CTNND2: variants seen among roughly 807,000 people sequenced by gnomAD.
CTNND2 encodes catenin delta-2.
A neutral mutation model predicts 144.4 loss-of-function variants in CTNND2; 22 were observed. The ratio of observed to expected loss-of-function variants is 0.15; its 90% CI spans 0.11 to 0.22. The LOEUF (loss-of-function observed/expected upper bound fraction) is 0.22. Ranked by LOEUF, CTNND2 falls within the 10% of genes least tolerant of loss-of-function variation. The pLI, the probability that CTNND2 is intolerant of heterozygous loss-of-function variation, is 1.00. For synonymous variants in CTNND2, 751 were observed against 695.6 expected (o/e 1.08, Z -1.25); for missense variants, 1,353 against 1,618.8 (o/e 0.84, Z 2.82).
chr5:11,495,214 C>A (rs1769814935), intron 3 of CTNND2, among the ~76,000 whole-genome samples: 1 of 152,030 alleles, frequency 6.6e-6, no homozygotes, highest in Non-Finnish European at 1.5e-5. Flanking sequence ...AATTGGAAGT[C>A]TTTTTTCAGT....
chr5:11,284,507 T>C (rs1000221582), intron 9 of CTNND2, among the ~76,000 whole-genome samples: 1 of 152,126 alleles, frequency 6.6e-6, no homozygotes, highest in Admixed American at 6.5e-5. Context: ...GGAGAGAACA[T>C]GAGGTGTTTG....
At chr5:11,485,099 A>C (rs1331707464) in intron 3 of CTNND2, among the ~76,000 whole-genome samples, 1 of 152,228 alleles carries the variant, frequency 6.6e-6, no homozygotes, top group Non-Finnish European at 1.5e-5. Flanking sequence ...CTTTTCTGTA[A>C]ACTGGCAAAA....
At chr5:11,254,707 A>C (rs1744051558) in intron 9 of CTNND2, among the ~76,000 whole-genome samples, 1 of 152,230 alleles carries the variant, frequency 6.6e-6, no homozygotes, top group African/African-American at 2.4e-5. Flanking sequence ...AAGAAGTATG[A>C]AATGTATAAA....
intron 3 of CTNND2, among the ~76,000 whole-genome samples, chr5:11,520,149 G>GAAAAAAAAAAAAAAAAAAAAGAAAAA: frequency 8.1e-6 from 1 of 123,432 alleles, no homozygotes; most frequent in Non-Finnish European, 1.7e-5. Flanking sequence ...CTCTGTCTTG[G>GAAAAAAAAAAAAAAAAAAAAGAAAAA]AAAAAAAAAA....
At chr5:11,148,710 A>T (rs1294957368) in intron 12 of CTNND2, among the ~76,000 whole-genome samples, 2 of 152,174 alleles carry the variant, frequency 1.3e-5, no homozygotes, top group East Asian at 3.9e-4. Context: ...TCAGACAGGC[A>T]GCTCTACCTT....
chr5:11,461,158 C>T (rs1175463028), intron 3 of CTNND2, among the ~76,000 whole-genome samples: 1 of 151,884 alleles, frequency 6.6e-6, no homozygotes, highest in East Asian at 1.9e-4. Context: ...AAGGCAGGGA[C>T]TTTGTTTTTT....
chr5:10,987,827 T>C (rs983140532), intron 20 of CTNND2, among the ~76,000 whole-genome samples: 1 of 151,326 alleles, frequency 6.6e-6, no homozygotes. Context: ...GGAAGAAATA[T>C]GTGGGAATAT....
chr5:11,549,046 C>A lies in CTNND2; in HGVS notation c.287+15898G>T, dbSNP rs567646610. On this transcript the variant is annotated intron_variant, in intron 3 of 21. Transcript: ENST00000304623. Reference sequence around the variant, plus strand: ...AGTTAATTTAAATTTAATTTCTTCTCTTGAATTTTGATCTTGCACTTGCTG... The same window carrying A: ...AGTTAATTTAAATTTAATTTCTTCTATTGAATTTTGATCTTGCACTTGCTG... 1.7e-4 allele frequency among the ~76,000 whole-genome samples: 26 copies of A among 152,284 alleles called. No individual in the cohort carries two copies. In the East Asian group the frequency reaches 4.8e-3, roughly 28 times the overall value.
chr5:10,974,500 G>A (rs922853596), intron 21 of CTNND2, among the ~76,000 whole-genome samples: 1 of 152,196 alleles, frequency 6.6e-6, no homozygotes, highest in Non-Finnish European at 1.5e-5. Flanking sequence ...TGTAAATAAT[G>A]TTGCAATAAA....
chr5:11,878,832 T>C (rs1459782773), intron 1 of CTNND2, among the ~76,000 whole-genome samples: 1 of 152,196 alleles, frequency 6.6e-6, no homozygotes, highest in African/African-American at 2.4e-5. Context: ...CATGTGGACA[T>C]TGGGGCACCA....
At chr5:11,084,490 A>G (rs1233735957) in intron 15 of CTNND2, among the ~76,000 whole-genome samples, 6 of 152,238 alleles carry the variant, frequency 3.9e-5, no homozygotes, top group Non-Finnish European at 8.8e-5. Flanking sequence ...AGAAGCTAGA[A>G]AAAGGAAGAG....
chr5:11,050,162 T>C (rs1053788144), intron 16 of CTNND2, among the ~76,000 whole-genome samples: 1 of 152,218 alleles, frequency 6.6e-6, no homozygotes, highest in African/African-American at 2.4e-5. Context: ...GTAGATTTCT[T>C]TCTACTTTCA....
intron 9 of CTNND2, among the ~76,000 whole-genome samples, chr5:11,320,560 C>A (rs1716754359): frequency 6.6e-6 from 1 of 152,176 alleles, no homozygotes; most frequent in Non-Finnish European, 1.5e-5. Flanking sequence ...ATTGGACTTA[C>A]AGTTCCACAT....
intron 12 of CTNND2, among the ~76,000 whole-genome samples, chr5:11,159,025 G>A (rs542177870): frequency 1.3e-5 from 2 of 152,262 alleles, no homozygotes; most frequent in South Asian, 2.1e-4. Flanking sequence ...CATCAGGAGA[G>A]AATCACAAGA....
chr5:11,803,496 G>A (rs1181592321), intron 1 of CTNND2, among the ~76,000 whole-genome samples: 2 of 152,142 alleles, frequency 1.3e-5, no homozygotes, highest in African/African-American at 2.4e-5. Flanking sequence ...ACATAAAATA[G>A]GGCACTGAAT....
intron 15 of CTNND2, among the ~76,000 whole-genome samples, chr5:11,090,395 C>T (rs1342334357): frequency 1.3e-5 from 2 of 152,350 alleles, no homozygotes; most frequent in East Asian, 3.9e-4. Flanking sequence ...CAGAAGGCCC[C>T]AACCCCCGGG....
chr5:11,543,047 G>A (rs565272805), intron 3 of CTNND2, among the ~76,000 whole-genome samples: 1 of 152,184 alleles, frequency 6.6e-6, no homozygotes, highest in Non-Finnish European at 1.5e-5. Context: ...AACAACAAAC[G>A]AGAGTACTGC....
intron 2 of CTNND2, among the ~76,000 whole-genome samples, chr5:11,623,917 G>C (rs762575881): frequency 9.8e-5 from 14 of 142,292 alleles, no homozygotes; most frequent in South Asian, 2.3e-4. Flanking sequence ...AAGAAACTTG[G>C]ATAACCACAC....
intron 18 of CTNND2, among the ~76,000 whole-genome samples, chr5:11,006,928 G>A (rs73044262): frequency 0.025 from 3,861 of 152,146 alleles, 164 homozygotes; most frequent in African/African-American, 0.089. Context: ...AGGAGAAAAC[G>A]ACTTAACAAG....
Sources: gnomAD v4.1 joint callset for allele counts (sites outside exome capture counted in the v4.1 genomes callset) on GRCh38, gnomAD v4.1.1 for gene constraint, MANE v1.5 for transcripts, NCBI Gene and HGNC (gene_info 2026-07-23, HGNC 2026-07-21) for gene names.